CEP164: variants seen among roughly 807,000 people sequenced by gnomAD.
The protein encoded by CEP164 is centrosomal protein of 164 kDa.
In CEP164, 162 loss-of-function variants were observed where a neutral mutation model predicts 182.7. The observed-to-expected ratio is 0.89, with a 90% confidence interval of 0.78 to 1.01. The LOEUF (loss-of-function observed/expected upper bound fraction) is 1.01. Among genes scored for constraint, CEP164 ranks in the 50% least tolerant of loss-of-function variants. The pLI, the probability that CEP164 is intolerant of heterozygous loss-of-function variation, is 0.00. For synonymous variants in CEP164, 661 were observed against 690.0 expected (o/e 0.96, Z 0.66); for missense variants, 1,735 against 1,790.4 (o/e 0.97, Z 0.56).
At chr11:117,326,340 C>A (rs1233431424), upstream of CEP164, among the ~76,000 whole-genome samples, 1 of 152,124 alleles carries the variant, frequency 6.6e-6, no homozygotes, top group Non-Finnish European at 1.5e-5. Context: ...GTGCCTCAGC[C>A]TCCTGCCTCA....
chr11:117,409,478 C>T lies in CEP164; in HGVS notation c.3749-140C>T, dbSNP rs2047078694. 2.7e-6 allele frequency: 2 copies of T among 741,810 alleles called. No homozygotes were observed. The highest frequency in any genetic ancestry group is 4.5e-6 in the Non-Finnish European group (2 of 444,966). 46.0% of individuals were successfully genotyped at this position (741,810 alleles called of 1,614,324 possible). A position where few individuals can be genotyped will look rare whatever the true frequency, so the allele number is the denominator to read the frequency against. On this transcript the variant is annotated intron_variant, in intron 29 of 32. Coordinates refer to ENST00000278935, the MANE Select transcript of CEP164 (RefSeq NM_014956.5). The surrounding 1 kb of genome is among the most constrained non-coding windows in gnomAD (Gnocchi z 4.4). ...AACACAGAAGCCCTGCCATCCCTGACCCCCTCATAAGGTTGAGGGGCTGTT... is the reference window on the plus strand; with the variant it reads ...AACACAGAAGCCCTGCCATCCCTGATCCCCTCATAAGGTTGAGGGGCTGTT...
chr11:117,395,191 G>C lies in CEP164; in HGVS notation c.2913G>C (p.Glu971Asp). 1 of 1,613,488 alleles carries C rather than the reference G, an allele frequency of 6.2e-7. No individual in the cohort carries two copies. The highest frequency in any genetic ancestry group is 1.1e-5 in the South Asian group (1 of 91,060). ...DVQRQVALKS[E>D]EATATHQQLE... ...AGAGGCAGGTTGCTCTGAAGAGTGA[G>C]GTTTGTCTCCCTGTTTTGTCCTCCC... The change falls in exon 23 of 33, where the codon GAG becomes GAC. Residue 971 changes from glutamate (E) to aspartate (D), a missense_variant and splice_region_variant. Physicochemically the swap from Glu to Asp is conservative, Grantham distance 45. Transcript: ENST00000278935.
rs927308169 is a variant in CEP164 at position 117,344,555 on chromosome 11, A to G, written c.194+278A>G. Among the ~76,000 whole-genome samples, 4 of 152,160 alleles carry G rather than the reference A, an allele frequency of 2.6e-5. No individual in the cohort carries two copies. The South Asian group carries it at 6.2e-4, about 24-fold the overall frequency. ...TCTCTAGCACAAGCATCTGTTTAGG[A>G]TGTGCTGAGGGGTTGTTGTTACTCC... On this transcript the variant is annotated intron_variant, in intron 4 of 32. Coordinates refer to ENST00000278935, the MANE Select transcript of CEP164 (RefSeq NM_014956.5).
intron 28 of CEP164, 120 bp from the exon 29 acceptor site, chr11:117,408,770 T>C: frequency 7.5e-7 from 1 of 1,325,474 alleles, no homozygotes; most frequent in Non-Finnish European, 1.0e-6. Flanking sequence ...GAAAACCAGC[T>C]TAAAGACAAA....
At chr11:117,340,876 C>T (rs1373227373) in intron 3 of CEP164, among the ~76,000 whole-genome samples, 1 of 152,154 alleles carries the variant, frequency 6.6e-6, no homozygotes, top group African/African-American at 2.4e-5. Flanking sequence ...CTTTGTCGCC[C>T]AGGCTGGACT....
At position 117,392,703 on chromosome 11, in the gene CEP164, C is replaced by A. The variant is rs1298190991; in HGVS notation, c.2493+76C>A. 18 of 1,548,486 alleles carry A rather than the reference C, an allele frequency of 1.2e-5. No individual in the cohort carries two copies. The South Asian group carries it at 1.9e-4, about 17-fold the overall frequency. On this transcript the variant is annotated intron_variant, in intron 19 of 32. Transcript: ENST00000278935. Reference sequence around the variant, plus strand: ...TTACAGTCAGCTGAGCCGGCCTAGCCTCAGCGGCCTCCAGTTTGCTTTGGA... The same window carrying A: ...TTACAGTCAGCTGAGCCGGCCTAGCATCAGCGGCCTCCAGTTTGCTTTGGA...
chr11:117,410,834 T>C lies in CEP164; in HGVS notation c.4103T>C (p.Ile1368Thr), dbSNP rs180911439. The change falls in exon 31 of 33, where the codon ATC (isoleucine) becomes ACC (threonine). Residue 1368 changes from isoleucine (I) to threonine (T), a missense_variant. Ile to Thr is a moderately conservative substitution (Grantham distance 89, BLOSUM62 -1). Transcript: ENST00000278935. ...TGTCCCCATGCTCTTCCAGCTGGCATCCCGCTGCTCAGCAACAGCCCCACC... is the reference window on the plus strand; with the variant it reads ...TGTCCCCATGCTCTTCCAGCTGGCACCCCGCTGCTCAGCAACAGCCCCACC... ...EKWRKYFPSG[I>T]PLLSNSPTPL... The C allele has an allele frequency of 3.8e-5, 61 of 1,612,672 alleles. No individual in the cohort carries two copies. In the East Asian group the frequency reaches 1.3e-3, roughly 34 times the overall value.
At chr11:117,399,746 CTT>C in intron 27 of CEP164, among the ~76,000 whole-genome samples, 1 of 151,592 alleles carries the variant, frequency 6.6e-6, no homozygotes, top group African/African-American at 2.4e-5. Context: ...TGATGATGAG[CTT>C]TTTTTTTATG....
rs762904384 is a variant in CEP164, at chr11:117,362,386, T to C, written c.553-18T>C. Reference sequence around the variant, plus strand: ...GTCTTCCAAGTGAGTCCTTTGACTGTCCTTCTCTATTTTGAAGCCTTCACA... The same window carrying C: ...GTCTTCCAAGTGAGTCCTTTGACTGCCCTTCTCTATTTTGAAGCCTTCACA... On this transcript the variant is annotated intron_variant, in intron 6 of 32. Coordinates refer to ENST00000278935, the MANE Select transcript of CEP164 (RefSeq NM_014956.5). 1 of 1,607,344 alleles carries C rather than the reference T, an allele frequency of 6.2e-7. No homozygotes were observed. Among genetic ancestry groups the C allele is most frequent in the Non-Finnish European group, 8.5e-7 (1 of 1,175,616 alleles).
At position 117,395,128 on chromosome 11, in the gene CEP164, G is replaced by T; in HGVS notation, c.2850G>T (p.Glu950Asp). The change falls in exon 23 of 33, where the codon GAG becomes GAT. Residue 950 changes from glutamate (E) to aspartate (D), a missense_variant. By Grantham distance (45) the Glu-to-Asp change is conservative (BLOSUM62 2). Coordinates refer to ENST00000278935, the MANE Select transcript of CEP164 (RefSeq NM_014956.5). ...TCCTGTCTCTTCCCTGCAAGGAGGAGACCGCCCGGAGGGAGAAGCAGCAGC... is the reference window on the plus strand; with the variant it reads ...TCCTGTCTCTTCCCTGCAAGGAGGATACCGCCCGGAGGGAGAAGCAGCAGC... ...ARLALLEVQE[E>D]TARREKQQLL... is the part of the protein sequence containing the mutation. 1 of 1,614,206 alleles carries T rather than the reference G, an allele frequency of 6.2e-7. No homozygotes were observed. The highest frequency in any genetic ancestry group is 1.3e-5 in the African/African-American group (1 of 75,060).
At chr11:117,326,322 G>A (rs538175148), upstream of CEP164, among the ~76,000 whole-genome samples, 955 of 152,100 alleles carry the variant, frequency 6.3e-3, 5 homozygotes, top group Non-Finnish European at 7.6e-3. Context: ...TCCACCTCCC[G>A]GGTTTAAGTG....
chr11:117,371,266 A>T lies in CEP164; in HGVS notation c.952A>T (p.Lys318Ter). 1 of 1,614,212 alleles carries T rather than the reference A, an allele frequency of 6.2e-7. No homozygotes were observed. The highest frequency in any genetic ancestry group is 1.3e-5 in the African/African-American group (1 of 75,044). ...TCTTCCAGAAAAAGAGGAAAATGAGAAGAGTGAACCTAAGATTTGCAGGAA... is the reference window on the plus strand; with the variant it reads ...TCTTCCAGAAAAAGAGGAAAATGAGTAGAGTGAACCTAAGATTTGCAGGAA... Reference protein sequence around the residue: ...PGLPEKEENEKSEPKICRNLV... With the variant: ...PGLPEKEENE Residue 318 changes from lysine to a stop codon, truncating the protein, a stop_gained, in exon 9 of 33, where the codon AAG becomes TAG. Coordinates refer to ENST00000278935, the MANE Select transcript of CEP164 (RefSeq NM_014956.5). LOFTEE classifies it high-confidence loss of function.
chr11:117,380,748 G>A, intron 12 of CEP164, 43 bp downstream of exon 12: 2 of 1,542,696 alleles, frequency 1.3e-6, no homozygotes, highest in South Asian at 1.2e-5. Context: ...TGCCTTCAGG[G>A]TGGTGTGGAC....
At chr11:117,393,233 C>G in intron 20 of CEP164, 107 bp downstream of exon 20, 2 of 1,455,458 alleles carry the variant, frequency 1.4e-6, no homozygotes, top group Admixed American at 2.1e-5. Context: ...ACACACACCC[C>G]GGGGTCCTTC....
Position 117,394,273 on chromosome 11 carries a change from A to G in CEP164, c.2617-77A>G. ...CCTGATCTTACTGATGCAAGGCTGCAGGGCTAGGGGAGCTGTGATTTTTGT... is the reference window on the plus strand; with the variant it reads ...CCTGATCTTACTGATGCAAGGCTGCGGGGCTAGGGGAGCTGTGATTTTTGT... On this transcript the variant is annotated intron_variant, in intron 20 of 32. Coordinates refer to ENST00000278935, the MANE Select transcript of CEP164 (RefSeq NM_014956.5). The surrounding 1 kb of genome is among the most constrained non-coding windows in gnomAD (Gnocchi z 4.0). 2 of 1,534,028 alleles carry G rather than the reference A, an allele frequency of 1.3e-6. No homozygotes were observed. The highest frequency in any genetic ancestry group is 1.8e-6 in the Non-Finnish European group (2 of 1,134,504).
chr11:117,368,469 T>C (rs1387590539), intron 8 of CEP164, among the ~76,000 whole-genome samples: 1 of 152,106 alleles, frequency 6.6e-6, no homozygotes, highest in Non-Finnish European at 1.5e-5. Context: ...TAGGGACTAT[T>C]TATGGTCTGA....
intron 4 of CEP164, among the ~76,000 whole-genome samples, chr11:117,347,876 T>C (rs990231254): frequency 1.3e-5 from 2 of 152,222 alleles, no homozygotes; most frequent in African/African-American, 2.4e-5. Context: ...TAAATGTCTC[T>C]AGGACATATT....
Position 117,409,682 on chromosome 11 carries a change from C to G in CEP164, c.3813C>G (p.Ile1271Met), listed in dbSNP as rs775604014. The change falls in exon 30 of 33, where the codon ATC becomes ATG. Residue 1271 changes from isoleucine to methionine, a missense_variant. Coordinates refer to ENST00000278935, the MANE Select transcript of CEP164 (RefSeq NM_014956.5). The surrounding 1 kb of genome is among the most constrained non-coding windows in gnomAD (Gnocchi z 4.4). ...IHGLSHSLRQ[I>M]SSQLSSVLSI... ...GGCTTAGCCACTCCCTCCGGCAGAT[C>G]AGCAGCCAGCTGAGCAGTGTCCTCA... 6.2e-7 allele frequency: 1 copy of G among 1,614,110 alleles called. No homozygotes were observed. The highest frequency in any genetic ancestry group is 1.1e-5 in the South Asian group (1 of 91,082).
chr11:117,323,000 A>G (rs1316876833), upstream of CEP164, among the ~76,000 whole-genome samples: 1 of 152,056 alleles, frequency 6.6e-6, no homozygotes, highest in African/African-American at 2.4e-5. Flanking sequence ...TCCTGAGCTC[A>G]GGCAATCTGC....
Sources: allele counts gnomAD v4.1 joint callset (sites outside exome capture counted in the v4.1 genomes callset), GRCh38; gene constraint gnomAD v4.1.1; non-coding constraint Gnocchi (gnomAD v3.1); transcripts MANE v1.5; gene names NCBI Gene and HGNC (gene_info 2026-07-23, HGNC 2026-07-21).